GSR: variants seen among roughly 807,000 people sequenced by gnomAD.
The protein encoded by GSR is glutathione-disulfide reductase.
A neutral mutation model predicts 56.5 loss-of-function variants in GSR; 48 were observed. That is an observed-to-expected ratio of 0.85 (90% CI 0.67 to 1.08). The LOEUF is 1.08. Ranked by LOEUF, GSR falls within the 50% of genes least tolerant of loss-of-function variation. The pLI, the probability that GSR is intolerant of heterozygous loss-of-function variation, is 0.00. For synonymous variants in GSR, 264 were observed against 270.8 expected, an observed-to-expected ratio of 0.97 and a Z score of 0.25; for missense variants, 694 against 703.3, an observed-to-expected ratio of 0.99 and a Z score of 0.15.
At chr8:30,708,708 G>C (rs980591158) in intron 3 of GSR, among the ~76,000 whole-genome samples, 1 of 152,134 alleles carries the variant, frequency 6.6e-6, no homozygotes, top group Non-Finnish European at 1.5e-5. Context: ...TGTAATCCCA[G>C]CACTTTGGGA....
chr8:30,727,517 C>T lies in GSR; in HGVS notation c.306+13G>A, dbSNP rs952835053. On this transcript the variant is annotated intron_variant, in intron 1 of 12. Coordinates refer to ENST00000221130, the MANE Select transcript of GSR (RefSeq NM_000637.5). Reference sequence around the variant, plus strand: ...AGAGGCGCCCCCCGCCCGAACAAACCGGCGGTACTCACGCAAGTGCCACCC... The same window carrying T: ...AGAGGCGCCCCCCGCCCGAACAAACTGGCGGTACTCACGCAAGTGCCACCC... The T allele has an allele frequency of 1.8e-5, 28 of 1,536,052 alleles. No individual in the cohort carries two copies. The East Asian group carries it at 4.9e-4, about 27-fold the overall frequency.
At position 30,681,554 on chromosome 8, in the gene GSR, C is replaced by T. The variant is rs533341460; in HGVS notation, c.1285+376G>A. ...AGAAAAAAAAAAAGAAAATGATACT[C>T]GGTTTATGTAAGGGCCAGTTCTTAG... is the stretch of plus-strand genomic sequence containing the variant. On this transcript the variant is annotated intron_variant, in intron 11 of 12. Coordinates refer to ENST00000221130, the MANE Select transcript of GSR (RefSeq NM_000637.5). Among the ~76,000 whole-genome samples the T allele has an allele frequency of 2.8e-4, 42 of 151,620 alleles. No individual in the cohort carries two copies. In the South Asian group the frequency reaches 5.4e-3, roughly 20 times the overall value.
intron 4 of GSR, among the ~76,000 whole-genome samples, chr8:30,707,443 G>A (rs1038556820): frequency 1.3e-5 from 2 of 152,152 alleles, no homozygotes; most frequent in Non-Finnish European, 2.9e-5. Context: ...ACTTTGGGAG[G>A]CTAAGGCAGG....
chr8:30,691,094 G>A (rs1309558731), intron 8 of GSR, among the ~76,000 whole-genome samples: 2 of 152,090 alleles, frequency 1.3e-5, no homozygotes, highest in African/African-American at 4.8e-5. Context: ...GCCAGGCATG[G>A]TGGCTCATGC....
intron 1 of GSR, 29 bp downstream of exon 1, chr8:30,727,501 C>A: frequency 6.5e-7 from 1 of 1,530,094 alleles, no homozygotes; most frequent in Non-Finnish European, 8.8e-7. Flanking sequence ...AAGAGGCGCC[C>A]CCCGCCCGAA....
intron 6 of GSR, among the ~76,000 whole-genome samples, chr8:30,698,704 C>T (rs1030107091): frequency 6.6e-6 from 1 of 152,136 alleles, no homozygotes; most frequent in African/African-American, 2.4e-5. Context: ...GACTATGAGT[C>T]ACTCTCCCTA....
At chr8:30,712,535 G>A (rs541644587) in intron 1 of GSR, among the ~76,000 whole-genome samples, 37 of 152,138 alleles carry the variant, frequency 2.4e-4, no homozygotes, top group Non-Finnish European at 4.3e-4. Flanking sequence ...GTAGCTGGGT[G>A]TGGTGGTGCA....
chr8:30,710,053 C>A, intron 2 of GSR, 151 bp from the exon 3 acceptor site: 1 of 640,152 alleles, frequency 1.6e-6, no homozygotes, highest in South Asian at 1.8e-5. Flanking sequence ...CGGCAGCTCA[C>A]GTCTGTAATC....
Position 30,680,923 on chromosome 8 carries a change from C to G in GSR, c.1400G>C (p.Cys467Ser). Residue 467 changes from cysteine (C) to serine (S), a missense_variant, in exon 12 of 13, where the codon TGT (cysteine) becomes TCT (serine). By Grantham distance (112) the Cys-to-Ser change is moderately radical (BLOSUM62 -1). Coordinates refer to ENST00000221130, the MANE Select transcript of GSR (RefSeq NM_000637.5). Reference protein sequence around the residue: ...RKTKCVMKMVCANKEEKVVGI... With the variant: ...RKTKCVMKMVSANKEEKVVGI... ...CCTTACCTTTTCTTCCTTGTTAGCA[C>G]AGACCATTTTCATCACACATTTTGT... 6.2e-7 allele frequency: 1 copy of G among 1,613,806 alleles called. No individual in the cohort carries two copies. The highest frequency in any genetic ancestry group is 8.5e-7 in the Non-Finnish European group (1 of 1,179,894).
intron 11 of GSR, 101 bp downstream of exon 11, chr8:30,681,829 G>T: frequency 9.1e-7 from 1 of 1,100,008 alleles, no homozygotes; most frequent in Non-Finnish European, 1.4e-6. Flanking sequence ...GTAATCTGGG[G>T]CTGAGATAGG....
At chr8:30,711,601 G>A (rs1456552241) in intron 2 of GSR, among the ~76,000 whole-genome samples, 2 of 152,192 alleles carry the variant, frequency 1.3e-5, no homozygotes, top group East Asian at 1.9e-4. Context: ...GGAGGCTGAG[G>A]TGGGCAGATC....
At chr8:30,694,996 A>G (rs1803498781) in intron 7 of GSR, among the ~76,000 whole-genome samples, 1 of 151,804 alleles carries the variant, frequency 6.6e-6, no homozygotes, top group African/African-American at 2.4e-5. Context: ...ATGAGCTCAG[A>G]AGGCTGCAGT....
At chr8:30,709,612 T>C (rs8190943) in intron 3 of GSR, among the ~76,000 whole-genome samples, 2 of 152,218 alleles carry the variant, frequency 1.3e-5, no homozygotes, top group East Asian at 3.9e-4. Flanking sequence ...GTTCTGGAAG[T>C]GGTAATAGTG....
chr8:30,685,638 G>C (rs1803134419), intron 9 of GSR, among the ~76,000 whole-genome samples: 1 of 152,084 alleles, frequency 6.6e-6, no homozygotes. Context: ...TATATGAGAA[G>C]TAGAGATATG....
chr8:30,693,641 G>A (rs926627993), intron 7 of GSR, among the ~76,000 whole-genome samples: 1 of 151,828 alleles, frequency 6.6e-6, no homozygotes, highest in Non-Finnish European at 1.5e-5. Context: ...CAATTCTCCC[G>A]CCTCATCCTC....
intron 10 of GSR, 50 bp from the exon 11 acceptor site, chr8:30,682,111 T>C (rs1383647254): frequency 3.4e-6 from 5 of 1,480,116 alleles, no homozygotes; most frequent in African/African-American, 2.8e-5. Context: ...TGTTTTAACA[T>C]AGCTAAATTG....
chr8:30,691,366 AAAAC>A (rs1294388471), intron 8 of GSR, among the ~76,000 whole-genome samples: 1 of 151,380 alleles, frequency 6.6e-6, no homozygotes, highest in Non-Finnish European at 1.5e-5. Flanking sequence ...AAAACAAAAC[AAAAC>A]AAACAAACCA....
chr8:30,691,282 G>GTC lies in GSR; in HGVS notation c.882+1686_882+1687insGA, dbSNP rs1803368529. Among the ~76,000 whole-genome samples the GTC allele has an allele frequency of 2.6e-5, 4 of 152,274 alleles. 1 individual carries two copies. The South Asian group carries it at 8.3e-4, about 32-fold the overall frequency. Reference sequence around the variant, plus strand: ...AGGCAGGAGAATCACTTGAACCTGGGAGGTGGAGGTTGCAGTGAGCTGTGA... The same window carrying GTC: ...AGGCAGGAGAATCACTTGAACCTGGGTCAGGTGGAGGTTGCAGTGAGCTGTGA... On this transcript the variant is annotated intron_variant, in intron 8 of 12. Coordinates refer to ENST00000221130, the MANE Select transcript of GSR (RefSeq NM_000637.5).
At chr8:30,692,357 C>G (rs1179979213) in intron 8 of GSR, among the ~76,000 whole-genome samples, 1 of 151,124 alleles carries the variant, frequency 6.6e-6, no homozygotes, top group East Asian at 2.0e-4. Context: ...CCACCACGCC[C>G]AGCTAATTTT....
Sources: allele counts gnomAD v4.1 joint callset (sites outside exome capture counted in the v4.1 genomes callset), GRCh38; gene constraint gnomAD v4.1.1; transcripts MANE v1.5; gene names NCBI Gene and HGNC (gene_info 2026-07-23, HGNC 2026-07-21).